Variants in MARK3 observed in about 807,000 individuals in gnomAD.
The protein encoded by MARK3 is microtubule affinity regulating kinase 3.
Under a neutral mutation model 90.1 loss-of-function variants are expected in MARK3, and 46 were observed. The observed-to-expected ratio is 0.51, with a 90% confidence interval of 0.40 to 0.65. The LOEUF is 0.65. MARK3 is among the 30% of genes least tolerant of loss of function. The pLI, the probability that MARK3 is intolerant of heterozygous loss-of-function variation, is 0.00. For missense variants in MARK3, 818 were observed against 947.2 expected, an observed-to-expected ratio of 0.86 and a Z score of 1.79; for synonymous variants, 321 against 332.6, an observed-to-expected ratio of 0.97 and a Z score of 0.38.
chr14:103,477,832 T>A (rs1385299338), intron 13 of MARK3, among the ~76,000 whole-genome samples: 2 of 150,440 alleles, frequency 1.3e-5, no homozygotes, highest in Admixed American at 6.6e-5. Context: ...CAAAAAAAAT[T>A]AAAAAGAAAA....
At chr14:103,499,929 C>T in intron 16 of MARK3, 1 of 558,976 alleles carries the variant, frequency 1.8e-6, no homozygotes, top group South Asian at 1.9e-5. Flanking sequence ...ATGCAGTGTG[C>T]AGCATGGAGC....
intron 2 of MARK3, among the ~76,000 whole-genome samples, chr14:103,409,031 TG>T (rs2091471614): frequency 6.6e-6 from 1 of 152,088 alleles, no homozygotes; most frequent in Non-Finnish European, 1.5e-5. Flanking sequence ...GCAGAGATGG[TG>T]GGCCAAGAGA....
In MARK3 at chr14:103,481,531, C is replaced by A. The variant is rs1363322334; in HGVS notation, c.1586+1041C>A. Among the ~76,000 whole-genome samples, 3 of 152,068 alleles carry A rather than the reference C, an allele frequency of 2.0e-5. No homozygotes were observed. In the East Asian group the frequency reaches 5.8e-4, roughly 29 times the overall value. ...GCTTATCACTTCCCTGTTCCATAGG[C>A]CACTTAGGATTGAGTTGATATGAGG... is the stretch of plus-strand genomic sequence containing the variant. On this transcript the variant is annotated intron_variant, in intron 14 of 17. Transcript: ENST00000429436.
In MARK3 at chr14:103,427,497, C is replaced by CAAAAAAAAA. The variant is rs71126021; in HGVS notation, c.244-882_244-874dup. On this transcript the variant is annotated intron_variant, in intron 2 of 17. Transcript: ENST00000429436. Reference sequence around the variant, plus strand: ...CCTAGGCAACAGAGGGAGACTGTTTCAAAAAAAAAAAAAAAAGAAACAAAA... The same window carrying CAAAAAAAAA: ...CCTAGGCAACAGAGGGAGACTGTTTCAAAAAAAAAAAAAAAAAAAAAAAAAGAAACAAAA... 4.9e-3 allele frequency among the ~76,000 whole-genome samples: 547 copies of CAAAAAAAAA among 110,768 alleles called. 19 individuals carry two copies. Among genetic ancestry groups the CAAAAAAAAA allele is most frequent in the Middle Eastern group, 0.011 (2 of 184 alleles). 72.7% of individuals were successfully genotyped at this position (110,768 alleles called of 152,430 possible).
intron 3 of MARK3, among the ~76,000 whole-genome samples, chr14:103,439,920 G>C (rs531792593): frequency 1.3e-5 from 2 of 151,602 alleles, no homozygotes; most frequent in East Asian, 3.9e-4. Context: ...AAGTATCTGG[G>C]ATTACAGGTG....
intron 12 of MARK3, among the ~76,000 whole-genome samples, chr14:103,472,440 G>A (rs1182704657): frequency 6.6e-6 from 1 of 151,740 alleles, no homozygotes; most frequent in African/African-American, 2.4e-5. Flanking sequence ...TCAGGAGATC[G>A]AGAACATCCT....
intron 14 of MARK3, chr14:103,491,132 G>A: frequency 8.0e-7 from 1 of 1,248,496 alleles, no homozygotes; most frequent in Non-Finnish European, 1.0e-6. Flanking sequence ...CATTCTTTGT[G>A]AAACTAATGT....
intron 3 of MARK3, among the ~76,000 whole-genome samples, chr14:103,440,061 A>G (rs1254360462): frequency 6.6e-6 from 1 of 152,234 alleles, no homozygotes; most frequent in Non-Finnish European, 1.5e-5. Flanking sequence ...CTGGGATTAC[A>G]GGTGTGAACC....
chr14:103,485,883 A>G (rs1230417635), intron 14 of MARK3, among the ~76,000 whole-genome samples: 1 of 152,108 alleles, frequency 6.6e-6, no homozygotes, highest in Non-Finnish European at 1.5e-5. Flanking sequence ...AAAAATATAT[A>G]TATTTTTTAA....
chr14:103,498,321 CATTT>C (rs1480601450), intron 15 of MARK3, among the ~76,000 whole-genome samples, 177 bp from the exon 16 acceptor site: 1 of 152,028 alleles, frequency 6.6e-6, no homozygotes, highest in Non-Finnish European at 1.5e-5. Flanking sequence ...ATCACATACT[CATTT>C]AATTACCTGT....
In MARK3 at chr14:103,428,416, G is replaced by A; in HGVS notation, c.273G>A (p.Gln91=). ...CAATAAAAATAATTGACAAAACTCA[G>A]TTGAATCCAACAAGTCTACAAAAGG... The part of the protein sequence containing the change: ...EVAIKIIDKT[Q]LNPTSLQKLF... The change falls in exon 3 of 18, where the codon CAG becomes CAA. Residue 91 remains glutamine, a synonymous_variant. Coordinates refer to ENST00000429436, the MANE Select transcript of MARK3 (RefSeq NM_001128918.3). The A allele has an allele frequency of 6.7e-7, 1 of 1,501,464 alleles. No individual in the cohort carries two copies. The highest frequency in any genetic ancestry group is 1.3e-5 in the South Asian group (1 of 79,212). 93.0% of individuals were successfully genotyped at this position (1,501,464 alleles called of 1,614,324 possible).
intron 2 of MARK3, among the ~76,000 whole-genome samples, chr14:103,413,731 T>G (rs1432557938): frequency 6.6e-6 from 1 of 152,120 alleles, no homozygotes; most frequent in Non-Finnish European, 1.5e-5. Flanking sequence ...GTGCTGAGAT[T>G]ACAGGCGTGA....
At chr14:103,467,674 C>CATAAA (rs2093537196) in intron 11 of MARK3, 1 of 44,910 alleles carries the variant, frequency 2.2e-5, no homozygotes, top group African/African-American at 1.0e-4. Flanking sequence ...GACTCTGTCT[C>CATAAA]AAAAAAAAAA....
chr14:103,426,962 A>G (rs2092425794), intron 2 of MARK3, among the ~76,000 whole-genome samples: 1 of 152,078 alleles, frequency 6.6e-6, no homozygotes, highest in Non-Finnish European at 1.5e-5. Context: ...TACCCATCCC[A>G]GAGTCAGCTA....
chr14:103,450,875 AGTGTGTGTGTGTGTGTGTG>A (rs1433957811), intron 4 of MARK3, among the ~76,000 whole-genome samples: 3 of 114,880 alleles, frequency 2.6e-5, no homozygotes, highest in African/African-American at 9.8e-5. Flanking sequence ...TCATTTTTAA[AGTGTGTGTGTGTGTGTGTG>A]TGTGTGTGTG....
At chr14:103,429,112 A>C (rs371713075) in intron 3 of MARK3, 1 of 152,266 alleles carries the variant, frequency 6.6e-6, no homozygotes, top group East Asian at 1.9e-4. Flanking sequence ...ATCAGCAAAT[A>C]ATTAATGATC....
At chr14:103,439,619 G>T (rs1386252939) in intron 3 of MARK3, among the ~76,000 whole-genome samples, 1 of 151,966 alleles carries the variant, frequency 6.6e-6, no homozygotes, top group African/African-American at 2.4e-5. Flanking sequence ...ATGTTGGCCA[G>T]GCCGGTCTTG....
chr14:103,474,078 G>A (rs984649786), intron 12 of MARK3, among the ~76,000 whole-genome samples: 7 of 150,368 alleles, frequency 4.7e-5, no homozygotes, highest in Admixed American at 2.7e-4. Flanking sequence ...GTTGGCATGC[G>A]CCTGTAGTTT....
chr14:103,412,071 G>GT (rs2091673439), intron 2 of MARK3: 1 of 506,952 alleles, frequency 2.0e-6, no homozygotes, highest in Non-Finnish European at 3.1e-6. Context: ...TTGGTTTTTT[G>GT]TTTTTTGTTT....
Sources: allele counts gnomAD v4.1 joint callset (sites outside exome capture counted in the v4.1 genomes callset), GRCh38; gene constraint gnomAD v4.1.1; transcripts MANE v1.5; gene names NCBI Gene and HGNC (gene_info 2026-07-23, HGNC 2026-07-21).